The following CNTNAP2 variants were observed in gnomAD, a reference collection of about 807,000 sequenced individuals.
The protein encoded by CNTNAP2 is contactin associated protein 2.
In CNTNAP2, 98 loss-of-function variants were observed where a neutral mutation model predicts 155.2. That is an observed-to-expected ratio of 0.63 (90% CI 0.54 to 0.75). CNTNAP2 has a LOEUF of 0.75. Ranked by LOEUF, CNTNAP2 falls within the 30% of genes least tolerant of loss-of-function variation. CNTNAP2 has a pLI of 0.00. For synonymous variants in CNTNAP2, 651 were observed against 631.2 expected, an observed-to-expected ratio of 1.03 and a Z score of -0.47; for missense variants, 1,727 against 1,688.1, an observed-to-expected ratio of 1.02 and a Z score of -0.40.
intron 14 of CNTNAP2, among the ~76,000 whole-genome samples, chr7:147,964,539 C>G (rs189199534): frequency 6.7e-4 from 102 of 152,214 alleles, no homozygotes; most frequent in African/African-American, 2.4e-3. Flanking sequence ...AAAATAAATT[C>G]ACATTAACAA....
intron 21 of CNTNAP2, among the ~76,000 whole-genome samples, chr7:148,359,875 T>G (rs145751946): frequency 6.6e-6 from 1 of 152,340 alleles, no homozygotes; most frequent in Non-Finnish European, 1.5e-5. Context: ...ACAATACCTT[T>G]TGATTCATTA....
At chr7:147,453,784 A>G (rs1230859367) in intron 10 of CNTNAP2, among the ~76,000 whole-genome samples, 1 of 152,174 alleles carries the variant, frequency 6.6e-6, no homozygotes, top group Non-Finnish European at 1.5e-5. Context: ...CAAACTTAAA[A>G]GCTAAAAAAA....
intron 11 of CNTNAP2, among the ~76,000 whole-genome samples, chr7:147,528,277 C>T (rs1292931886): frequency 2.6e-5 from 4 of 152,172 alleles, no homozygotes; most frequent in Non-Finnish European, 4.4e-5. Context: ...TCACAGGGAT[C>T]GTGGCATAAG....
At chr7:147,636,361 A>G (rs891630722) in intron 12 of CNTNAP2, among the ~76,000 whole-genome samples, 5 of 152,202 alleles carry the variant, frequency 3.3e-5, no homozygotes, top group Non-Finnish European at 7.3e-5. Flanking sequence ...CCAAGCCAGA[A>G]CTGGGACCAA....
intron 1 of CNTNAP2, among the ~76,000 whole-genome samples, chr7:146,187,111 A>G (rs1798635268): frequency 6.6e-6 from 1 of 152,204 alleles, no homozygotes; most frequent in African/African-American, 2.4e-5. Flanking sequence ...TCAGGTCACT[A>G]GTATTGTTGA....
chr7:147,107,427 G>A (rs1036908881), intron 4 of CNTNAP2, among the ~76,000 whole-genome samples: 4 of 152,044 alleles, frequency 2.6e-5, no homozygotes, highest in East Asian at 3.9e-4. Flanking sequence ...GTAGTCATAC[G>A]CTGGATATTT....
rs151077885 is a variant in CNTNAP2, at chr7:146,737,615, G to T, written c.98-36656G>T. Among the ~76,000 whole-genome samples the T allele has an allele frequency of 7.8e-3, 1,191 of 152,132 alleles. 5 individuals are homozygous for T. The highest frequency in any genetic ancestry group is 0.027 in the Middle Eastern group (8 of 294). On this transcript the variant is annotated intron_variant, in intron 1 of 23. Coordinates refer to ENST00000361727, the MANE Select transcript of CNTNAP2 (RefSeq NM_014141.6). ...ATAACTTATGTGTAACAAGTATAAG[G>T]TGAGATCTCATTGGGTTTTAATTTG...
At chr7:146,282,370 C>G (rs1293981345) in intron 1 of CNTNAP2, among the ~76,000 whole-genome samples, 1 of 152,226 alleles carries the variant, frequency 6.6e-6, no homozygotes, top group Non-Finnish European at 1.5e-5. Flanking sequence ...TCGACTGCAT[C>G]TGTGACCTTG....
intron 3 of CNTNAP2, among the ~76,000 whole-genome samples, chr7:147,001,235 T>C (rs1033935664): frequency 4.6e-5 from 7 of 152,216 alleles, no homozygotes; most frequent in African/African-American, 1.7e-4. Flanking sequence ...TCTTGTGAGA[T>C]ATTTTTACCT....
intron 1 of CNTNAP2, among the ~76,000 whole-genome samples, chr7:146,261,284 CA>C (rs1383254235): frequency 1.3e-5 from 2 of 151,638 alleles, no homozygotes; most frequent in East Asian, 1.9e-4. Flanking sequence ...GATTAATATT[CA>C]AAAAATTAAT....
chr7:146,927,895 T>C (rs1358513818), intron 3 of CNTNAP2, among the ~76,000 whole-genome samples: 1 of 150,842 alleles, frequency 6.6e-6, no homozygotes, highest in Non-Finnish European at 1.5e-5. Context: ...ATAGAGAGAG[T>C]GTGTGTGTAT....
chr7:146,270,503 T>C (rs1281728068), intron 1 of CNTNAP2, among the ~76,000 whole-genome samples: 1 of 152,238 alleles, frequency 6.6e-6, no homozygotes, highest in Non-Finnish European at 1.5e-5. Context: ...CATTCCATTT[T>C]ATTCAGTTGC....
At chr7:146,608,725 G>A (rs1186162612) in intron 1 of CNTNAP2, among the ~76,000 whole-genome samples, 1 of 151,792 alleles carries the variant, frequency 6.6e-6, no homozygotes, top group Admixed American at 6.6e-5. Flanking sequence ...TATTTTTAAG[G>A]CTTTTGGTAT....
At chr7:147,295,163 T>G (rs1805410305) in intron 8 of CNTNAP2, among the ~76,000 whole-genome samples, 3 of 152,124 alleles carry the variant, frequency 2.0e-5, no homozygotes, top group Admixed American at 2.0e-4. Flanking sequence ...CCAGACCTGA[T>G]GCTGTATGAG....
chr7:146,740,653 T>TGTA (rs1801696586), intron 1 of CNTNAP2, among the ~76,000 whole-genome samples: 1 of 152,180 alleles, frequency 6.6e-6, no homozygotes, highest in South Asian at 2.1e-4. Context: ...TGTTGACCAG[T>TGTA]GTAGCACTGC....
intron 8 of CNTNAP2, among the ~76,000 whole-genome samples, chr7:147,282,486 A>G (rs1487640866): frequency 1.3e-5 from 2 of 151,884 alleles, no homozygotes. Flanking sequence ...TGAGATTTCA[A>G]GAGTTAAACA....
chr7:148,161,459 AG>A (rs1805538285), intron 17 of CNTNAP2, among the ~76,000 whole-genome samples: 1 of 152,188 alleles, frequency 6.6e-6, no homozygotes, highest in South Asian at 2.1e-4. Context: ...GAGGGGGCAA[AG>A]AAAAACTCCT....
chr7:147,646,035 G>T (rs1795360297), intron 13 of CNTNAP2, among the ~76,000 whole-genome samples: 1 of 152,214 alleles, frequency 6.6e-6, no homozygotes, highest in Admixed American at 6.5e-5. Context: ...ATACTGGAGT[G>T]GAGGAAGCAG....
rs1797639871 is a variant in CNTNAP2 at position 147,441,813 on chromosome 7, T to TCTCTC, written c.1671-44122_1671-44121insCTCTC. Among the ~76,000 whole-genome samples, 30 of 102,168 alleles carry TCTCTC rather than the reference T, an allele frequency of 2.9e-4. No individual in the cohort carries two copies. In the South Asian group the frequency reaches 3.2e-3, roughly 11 times the overall value. 67.0% of individuals were successfully genotyped at this position (102,168 alleles called of 152,430 possible). ...TTTCTTCCAACCAAATGTAGTCTCT[T>TCTCTC]TCTCTCTCTCTCTCTCTCTCTCTCT... On this transcript the variant is annotated intron_variant, in intron 10 of 23. Transcript: ENST00000361727.
Sources: gnomAD v4.1 joint callset for allele counts (sites outside exome capture counted in the v4.1 genomes callset) on GRCh38, gnomAD v4.1.1 for gene constraint, MANE v1.5 for transcripts, NCBI Gene and HGNC (gene_info 2026-07-23, HGNC 2026-07-21) for gene names.